Variants in BTG4 observed in about 807,000 individuals in gnomAD.
BTG4 encodes the protein protein BTG4.
In BTG4, 10 loss-of-function variants were observed where a neutral mutation model predicts 19.3. The ratio of observed to expected loss-of-function variants is 0.52; its 90% CI spans 0.32 to 0.88. The LOEUF (loss-of-function observed/expected upper bound fraction) is 0.88, where lower values mean the gene tolerates loss of function less well. BTG4 is among the 40% of genes least tolerant of loss of function. The pLI, the probability that BTG4 is intolerant of heterozygous loss-of-function variation, is 0.04. For missense variants in BTG4, 238 were observed against 281.9 expected, an observed-to-expected ratio of 0.84 and a Z score of 1.11; for synonymous variants, 91 against 95.7, an observed-to-expected ratio of 0.95 and a Z score of 0.29.
At chr11:111,435,463 G>T in the BTG4 span, among the ~76,000 whole-genome samples, 1 of 152,232 alleles carries the variant, frequency 6.6e-6, no homozygotes, top group Admixed American at 6.5e-5. Flanking sequence ...GACACTTGAG[G>T]ACTTGGCTTG....
chr11:111,396,946 AT>A, the BTG4 span: 2 of 152,222 alleles, frequency 1.3e-5, no homozygotes, highest in Non-Finnish European at 2.9e-5. Context: ...GTATAGGTTG[AT>A]TTATTCATTG....
chr11:111,451,566 A>G, the BTG4 span, among the ~76,000 whole-genome samples: 1 of 152,158 alleles, frequency 6.6e-6, no homozygotes, highest in African/African-American at 2.4e-5. Context: ...GAAGTTCGAG[A>G]CCAGCCTGAC....
chr11:111,433,569 T>C, the BTG4 span, among the ~76,000 whole-genome samples: 1 of 152,162 alleles, frequency 6.6e-6, no homozygotes, highest in Non-Finnish European at 1.5e-5. Context: ...CTAATTAAAC[T>C]AAAGAGCTTC....
At chr11:111,426,150 G>A in the BTG4 span, among the ~76,000 whole-genome samples, 9 of 152,162 alleles carry the variant, frequency 5.9e-5, no homozygotes, top group African/African-American at 1.9e-4. Context: ...CAAGGAGGAG[G>A]GTGATGAGTT....
chr11:111,478,762 T>C (rs1252844601), intron 5 of BTG4, among the ~76,000 whole-genome samples: 2 of 151,898 alleles, frequency 1.3e-5, no homozygotes, highest in African/African-American at 4.8e-5. Context: ...ACGGAAGAGA[T>C]AGAGGAAAAA....
chr11:111,404,810 T>C, the BTG4 span: 1 of 372,194 alleles, frequency 2.7e-6, no homozygotes, highest in South Asian at 2.0e-5. Flanking sequence ...GGTATACAAT[T>C]AGCAGCATGT....
downstream of BTG4, among the ~76,000 whole-genome samples, chr11:111,492,418 A>G (rs902883036): frequency 3.3e-5 from 5 of 152,198 alleles, no homozygotes; most frequent in African/African-American, 1.2e-4. Context: ...GTAAAGACCA[A>G]ACAGCTTCAG....
At chr11:111,410,352 G>T in the BTG4 span, among the ~76,000 whole-genome samples, 2 of 152,022 alleles carry the variant, frequency 1.3e-5, no homozygotes, top group Non-Finnish European at 2.9e-5. Flanking sequence ...CAATCCTCCT[G>T]ATATAACTAG....
intron 5 of BTG4, among the ~76,000 whole-genome samples, chr11:111,486,199 G>C (rs1014096168): frequency 1.3e-5 from 2 of 152,204 alleles, no homozygotes; most frequent in Admixed American, 1.3e-4. Context: ...ACTTTGGAAG[G>C]CCAAGGTGGG....
chr11:111,394,708 T>G, the BTG4 span, among the ~76,000 whole-genome samples: 1 of 152,230 alleles, frequency 6.6e-6, no homozygotes, highest in Admixed American at 6.5e-5. Flanking sequence ...TGGGCCCACC[T>G]TGGCCTCCTC....
chr11:111,495,451 A>C (rs1235193985), intron 4 of BTG4, 137 bp from the exon 5 acceptor site: 1 of 693,378 alleles, frequency 1.4e-6, no homozygotes, highest in Non-Finnish European at 2.3e-6. Context: ...CCATCTTTGA[A>C]AAAAATTTCT....
the BTG4 span, among the ~76,000 whole-genome samples, chr11:111,406,869 G>A: frequency 1.3e-5 from 2 of 152,112 alleles, no homozygotes; most frequent in Non-Finnish European, 1.5e-5. Flanking sequence ...CCCAGGGGTG[G>A]GTAGCAAAGC....
chr11:111,391,757 G>A, the BTG4 span, among the ~76,000 whole-genome samples: 2 of 152,160 alleles, frequency 1.3e-5, no homozygotes, highest in African/African-American at 2.4e-5. Context: ...GGAGTGACGG[G>A]GTCATAGTCA....
rs544352009 is a variant in BTG4, at chr11:111,486,569, C to A, written c.662+8594G>T. On this transcript the variant is annotated intron_variant, in intron 5 of 5. Transcript: ENST00000356018. ...GTATTACTTGGATATCAAACCCAGACAAAGATACAACAGAAAAAAGAAAAC... is the reference window on the plus strand; with the variant it reads ...GTATTACTTGGATATCAAACCCAGAAAAAGATACAACAGAAAAAAGAAAAC... 4.6e-5 allele frequency among the ~76,000 whole-genome samples: 7 copies of A among 152,140 alleles called. No homozygotes were observed. The East Asian group carries it at 1.4e-3, about 29-fold the overall frequency.
the BTG4 span, among the ~76,000 whole-genome samples, chr11:111,405,295 T>C: frequency 6.7e-6 from 1 of 149,578 alleles, no homozygotes; most frequent in Non-Finnish European, 1.5e-5. Flanking sequence ...TCCCAACTAC[T>C]TGGGAGGCTG....
chr11:111,397,574 A>C, the BTG4 span: 24 of 152,202 alleles, frequency 1.6e-4, no homozygotes, highest in African/African-American at 5.8e-4. Context: ...ATTAAACATC[A>C]CTTACCCAGA....
chr11:111,394,332 T>C, the BTG4 span, among the ~76,000 whole-genome samples: 1 of 152,316 alleles, frequency 6.6e-6, no homozygotes, highest in African/African-American at 2.4e-5. Context: ...TCCCACATGT[T>C]GTGGGAGGGA....
the BTG4 span, among the ~76,000 whole-genome samples, chr11:111,439,184 A>G: frequency 1.3e-5 from 2 of 152,238 alleles, no homozygotes; most frequent in African/African-American, 4.8e-5. Context: ...CTGAGTTTAA[A>G]GTTTAATCTC....
intron 5 of BTG4, among the ~76,000 whole-genome samples, chr11:111,471,236 G>A (rs1344165871): frequency 1.3e-5 from 2 of 152,190 alleles, no homozygotes; most frequent in African/African-American, 4.8e-5. Flanking sequence ...ATTTGTAGTG[G>A]TGGATCTGAG....
Sources: allele counts gnomAD v4.1 joint callset (sites outside exome capture counted in the v4.1 genomes callset), GRCh38; gene constraint gnomAD v4.1.1; transcripts MANE v1.5; gene names NCBI Gene and HGNC (gene_info 2026-07-23, HGNC 2026-07-21).